Variants in ATP9B observed in about 807,000 individuals in gnomAD.
ATP9B encodes the protein probable phospholipid-transporting ATPase IIB.
Under a neutral mutation model 146.1 loss-of-function variants are expected in ATP9B, and 110 were observed. The ratio of observed to expected loss-of-function variants is 0.75; its 90% CI spans 0.65 to 0.88. The LOEUF (loss-of-function observed/expected upper bound fraction) is 0.88, where lower values mean the gene tolerates loss of function less well. ATP9B is among the 40% of genes least tolerant of loss of function. The pLI, the probability that ATP9B is intolerant of heterozygous loss-of-function variation, is 0.00. For missense variants in ATP9B, 1,499 were observed against 1,496.4 expected, an observed-to-expected ratio of 1.00 and a Z score of -0.03; for synonymous variants, 604 against 569.7, an observed-to-expected ratio of 1.06 and a Z score of -0.86.
chr18:79,246,825 T>A (rs935919123), intron 11 of ATP9B, among the ~76,000 whole-genome samples: 1 of 152,234 alleles, frequency 6.6e-6, no homozygotes, highest in Non-Finnish European at 1.5e-5. Context: ...GCAGCGGTGA[T>A]CGGCAGTGTA....
At chr18:79,204,908 G>T (rs1475882459) in intron 9 of ATP9B, among the ~76,000 whole-genome samples, 1 of 152,122 alleles carries the variant, frequency 6.6e-6, no homozygotes, top group Non-Finnish European at 1.5e-5. Flanking sequence ...GTATATTTTT[G>T]AAATGATTTT....
intron 9 of ATP9B, among the ~76,000 whole-genome samples, chr18:79,204,567 T>C (rs1387876539): frequency 2.0e-5 from 3 of 152,258 alleles, no homozygotes; most frequent in Non-Finnish European, 4.4e-5. Flanking sequence ...ATCAGATTTT[T>C]ATAAGTTGTA....
rs138883411 is a variant in ATP9B at position 79,178,370 on chromosome 18, G to C, written c.873+1463G>C. Among the ~76,000 whole-genome samples the C allele has an allele frequency of 1.5e-4, 23 of 152,254 alleles. No homozygotes were observed. In the East Asian group the frequency reaches 4.2e-3, roughly 28 times the overall value. ...ATATCTTATCGTGGCTTCAGTTTGC[G>C]TTTCTGTGATGGCCGGTTGTGTTGA... On this transcript the variant is annotated intron_variant, in intron 8 of 29. Coordinates refer to ENST00000426216, the MANE Select transcript of ATP9B (RefSeq NM_198531.5).
chr18:79,170,797 A>T (rs989841234), intron 7 of ATP9B, among the ~76,000 whole-genome samples: 4 of 152,236 alleles, frequency 2.6e-5, no homozygotes, highest in Non-Finnish European at 5.9e-5. Flanking sequence ...ATTCGCCAGT[A>T]TAATACTGAG....
chr18:79,190,501 T>A (rs1406800914), intron 8 of ATP9B, among the ~76,000 whole-genome samples: 1 of 138,042 alleles, frequency 7.2e-6, no homozygotes, highest in African/African-American at 2.9e-5. Context: ...GTTCCAGCCC[T>A]TTTTATTTAT....
chr18:79,372,050 G>A (rs1033815482), intron 26 of ATP9B, among the ~76,000 whole-genome samples: 8 of 152,332 alleles, frequency 5.3e-5, no homozygotes, highest in African/African-American at 7.2e-5. Context: ...CTCTCAACAC[G>A]TGTCACTTTC....
At chr18:79,127,172 T>C (rs2094301107) in intron 5 of ATP9B, among the ~76,000 whole-genome samples, 1 of 152,224 alleles carries the variant, frequency 6.6e-6, no homozygotes, top group South Asian at 2.1e-4. Flanking sequence ...AAATGACTTA[T>C]TTTTAACACC....
intron 12 of ATP9B, among the ~76,000 whole-genome samples, chr18:79,260,288 G>A (rs1439189929): frequency 6.6e-6 from 1 of 152,116 alleles, no homozygotes; most frequent in Non-Finnish European, 1.5e-5. Flanking sequence ...ATGTGAAGGA[G>A]GAACCATCCC....
intron 15 of ATP9B, among the ~76,000 whole-genome samples, chr18:79,319,816 T>C (rs1174210276): frequency 1.3e-5 from 2 of 152,270 alleles, no homozygotes; most frequent in East Asian, 1.9e-4. Flanking sequence ...GAAGCAAATA[T>C]TGCCATGACT....
At chr18:79,102,499 A>T (rs1322163785) in intron 2 of ATP9B, among the ~76,000 whole-genome samples, 1 of 152,142 alleles carries the variant, frequency 6.6e-6, no homozygotes, top group Non-Finnish European at 1.5e-5. Flanking sequence ...CCATCTCATC[A>T]GTGTGTCAGT....
At chr18:79,072,254 A>G (rs564841112) in intron 1 of ATP9B, among the ~76,000 whole-genome samples, 1 of 152,116 alleles carries the variant, frequency 6.6e-6, no homozygotes, top group South Asian at 2.1e-4. Context: ...GCAGATAAAC[A>G]TGTGAACAAA....
rs1043036209 is a variant in ATP9B, at chr18:79,069,529, G to A, written c.119G>A (p.Arg40Lys). ...GPRPGADRHS[R>K]YQLEDESAHL... ...AGGCCGGGAGCCGACCGGCACAGCA[G>A]GTAACCGAGGCGGCACTGGCCCCGT... The change falls in exon 1 of 30, where the codon AGG (arginine) becomes AAG (lysine). Residue 40 changes from arginine (R) to lysine (K), a missense_variant and splice_region_variant. By Grantham distance (26) the Arg-to-Lys change is conservative. Transcript: ENST00000426216. 11 of 1,369,858 alleles carry A rather than the reference G, an allele frequency of 8.0e-6. No homozygotes were observed. The highest frequency in any genetic ancestry group is 8.5e-6 in the Non-Finnish European group (9 of 1,058,734). The allele number at this position is 1,369,858 out of a possible 1,614,324, so 84.9% of individuals were successfully genotyped here.
intron 15 of ATP9B, among the ~76,000 whole-genome samples, chr18:79,328,696 T>C (rs574415165): frequency 6.6e-6 from 1 of 152,330 alleles, no homozygotes; most frequent in South Asian, 2.1e-4. Context: ...TTGTCTCTTA[T>C]TTTAGAAAAA....
intron 8 of ATP9B, among the ~76,000 whole-genome samples, chr18:79,186,704 A>G (rs1006709967): frequency 1.3e-5 from 2 of 152,198 alleles, no homozygotes; most frequent in African/African-American, 2.4e-5. Flanking sequence ...GCTTAATTTA[A>G]ATAAATTTTT....
intron 4 of ATP9B, among the ~76,000 whole-genome samples, chr18:79,125,123 G>C (rs2094260394): frequency 6.6e-6 from 1 of 152,180 alleles, no homozygotes; most frequent in South Asian, 2.1e-4. Flanking sequence ...GTGGCAAGTG[G>C]AGAAGTATAC....
intron 26 of ATP9B, chr18:79,359,878 A>T (rs560365607): frequency 4.8e-6 from 1 of 206,736 alleles, no homozygotes; most frequent in Admixed American, 5.1e-5. Context: ...TGGGGAACCC[A>T]TGGGCTGCAT....
intron 5 of ATP9B, among the ~76,000 whole-genome samples, chr18:79,137,576 A>G (rs960177349): frequency 5.3e-5 from 8 of 152,272 alleles, no homozygotes; most frequent in African/African-American, 1.9e-4. Context: ...CTTTGTAAAC[A>G]TGGGCATTCT....
At chr18:79,142,200 T>C (rs1009991878) in intron 5 of ATP9B, among the ~76,000 whole-genome samples, 1 of 152,208 alleles carries the variant, frequency 6.6e-6, no homozygotes, top group Admixed American at 6.5e-5. Context: ...GTAATTTCCA[T>C]AGAAATTAAT....
chr18:79,287,367 A>C (rs2096455567), intron 13 of ATP9B, among the ~76,000 whole-genome samples: 1 of 152,134 alleles, frequency 6.6e-6, no homozygotes, highest in Admixed American at 6.5e-5. Flanking sequence ...GTGTTGAGGA[A>C]TTTATCCATT....
Sources: allele counts gnomAD v4.1 joint callset (sites outside exome capture counted in the v4.1 genomes callset), GRCh38; gene constraint gnomAD v4.1.1; transcripts MANE v1.5; gene names NCBI Gene and HGNC (gene_info 2026-07-23, HGNC 2026-07-21).